The following IL1RAPL1 variants were observed in gnomAD, a reference collection of about 807,000 sequenced individuals.
The protein encoded by IL1RAPL1 is interleukin-1 receptor accessory protein-like 1.
A neutral mutation model predicts 48.4 loss-of-function variants in IL1RAPL1; 3 were observed. The observed-to-expected ratio is 0.06, with a 90% CI of 0.03 to 0.16. The LOEUF (loss-of-function observed/expected upper bound fraction) is 0.16, where lower values mean the gene tolerates loss of function less well. Ranked by LOEUF, IL1RAPL1 falls within the 10% of genes least tolerant of loss-of-function variation. IL1RAPL1 has a pLI of 1.00. For missense variants in IL1RAPL1, 349 were observed against 530.6 expected, an observed-to-expected ratio of 0.66 and a Z score of 3.36; for synonymous variants, 185 against 187.7, an observed-to-expected ratio of 0.99 and a Z score of 0.12.
At chrX:29,670,613 T>C (rs1463601479) in intron 6 of IL1RAPL1, among the ~76,000 whole-genome samples, 2 of 111,818 alleles carry the variant, frequency 1.8e-5, no homozygotes, top group African/African-American at 6.5e-5. Flanking sequence ...TGCTAGTAAG[T>C]AGGTGAATCA....
At chrX:29,516,839 TA>T (rs1050199522) in intron 5 of IL1RAPL1, among the ~76,000 whole-genome samples, 1 of 111,316 alleles carries the variant, frequency 9.0e-6, no homozygotes, top group Admixed American at 9.6e-5. Flanking sequence ...TTTTAAAGTA[TA>T]TTAGGTAATA....
chrX:29,348,776 C>A (rs1933184876), intron 3 of IL1RAPL1, among the ~76,000 whole-genome samples: 1 of 111,843 alleles, frequency 8.9e-6, no homozygotes, highest in African/African-American at 3.2e-5. Context: ...GTTGGACATT[C>A]CTGAGGGAGA....
At chrX:29,546,385 A>G (rs1319175715) in intron 5 of IL1RAPL1, among the ~76,000 whole-genome samples, 1 of 111,596 alleles carries the variant, frequency 9.0e-6, no homozygotes, top group Admixed American at 9.6e-5. Context: ...GTCTTTATCA[A>G]TAAATATTTC....
intron 2 of IL1RAPL1, among the ~76,000 whole-genome samples, chrX:29,093,706 T>G (rs768426230): frequency 8.9e-6 from 1 of 112,366 alleles, no homozygotes; most frequent in African/African-American, 3.2e-5. Flanking sequence ...TAGGTAGGCA[T>G]TATTTCTACT....
intron 2 of IL1RAPL1, among the ~76,000 whole-genome samples, chrX:28,855,656 C>G (rs2147299518): frequency 9.0e-6 from 1 of 110,881 alleles, no homozygotes; most frequent in East Asian, 2.8e-4. Context: ...GCAGTCATTT[C>G]TAGTTGTTTC....
chrX:29,154,494 C>T (rs1325527483), intron 2 of IL1RAPL1, among the ~76,000 whole-genome samples: 1 of 109,513 alleles, frequency 9.1e-6, no homozygotes, highest in East Asian at 2.9e-4. Flanking sequence ...GAGCCAAGAT[C>T]ATGCCATTGC....
At chrX:29,505,882 T>C (rs530274133) in intron 5 of IL1RAPL1, among the ~76,000 whole-genome samples, 1 of 111,831 alleles carries the variant, frequency 8.9e-6, no homozygotes, top group African/African-American at 3.3e-5. Flanking sequence ...ATTTGGTCTT[T>C]TTAAGTAATT....
At chrX:29,426,774 C>T (rs907401914) in intron 5 of IL1RAPL1, among the ~76,000 whole-genome samples, 7 of 110,820 alleles carry the variant, frequency 6.3e-5, no homozygotes, top group Non-Finnish European at 1.3e-4. Context: ...AGTGAATAGC[C>T]GTACTCAAAA....
intron 2 of IL1RAPL1, among the ~76,000 whole-genome samples, chrX:29,230,822 G>C (rs886932087): frequency 1.1e-4 from 12 of 111,354 alleles, no homozygotes; most frequent in African/African-American, 3.9e-4. Context: ...TGTGACTGAA[G>C]CTGGAATTTG....
At chrX:29,366,859 G>A (rs751743224) in intron 3 of IL1RAPL1, among the ~76,000 whole-genome samples, 6 of 111,268 alleles carry the variant, frequency 5.4e-5, no homozygotes, top group South Asian at 3.7e-4. Flanking sequence ...GAGCCACTGC[G>A]CCCGGCCTGA....
At chrX:28,993,040 G>A (rs1483517354) in intron 2 of IL1RAPL1, among the ~76,000 whole-genome samples, 5 of 112,137 alleles carry the variant, frequency 4.5e-5, no homozygotes, top group African/African-American at 1.6e-4. Context: ...GTATTTATCA[G>A]TATTCTAGGC....
chrX:29,418,125 A>ATTTTTTTTT (rs1186251989), intron 5 of IL1RAPL1, among the ~76,000 whole-genome samples: 1 of 26,704 alleles, frequency 3.7e-5, no homozygotes, highest in Non-Finnish European at 5.8e-5. Context: ...ATATATATAT[A>ATTTTTTTTT]TTTTTTTTTT....
chrX:29,569,407 C>T (rs764898672), intron 5 of IL1RAPL1, among the ~76,000 whole-genome samples: 3 of 110,877 alleles, frequency 2.7e-5, no homozygotes, highest in Non-Finnish European at 5.7e-5. Context: ...ATGATTCATT[C>T]AGGGTATATT....
chrX:29,287,796 A>C (rs1932306634), intron 3 of IL1RAPL1, among the ~76,000 whole-genome samples: 1 of 111,894 alleles, frequency 8.9e-6, no homozygotes, highest in South Asian at 3.7e-4. Flanking sequence ...GTATGTTCTA[A>C]ATATTAATTC....
At chrX:29,356,274 G>T (rs773597166) in intron 3 of IL1RAPL1, among the ~76,000 whole-genome samples, 1 of 80,021 alleles carries the variant, frequency 1.2e-5, no homozygotes, top group East Asian at 4.0e-4. Context: ...TTATACCTAC[G>T]ACACTAATCC....
At chrX:28,761,951 G>T (rs925308373) in intron 1 of IL1RAPL1, among the ~76,000 whole-genome samples, 4 of 111,414 alleles carry the variant, frequency 3.6e-5, no homozygotes, top group Non-Finnish European at 7.5e-5. Flanking sequence ...AACCTGTTTC[G>T]CTATCTATAA....
rs1372218670 is a variant in IL1RAPL1, at chrX:29,916,690, A to G, written c.779-774A>G. 1.8e-5 allele frequency among the ~76,000 whole-genome samples: 2 copies of G among 112,091 alleles called. 1 individual carries two copies. Among genetic ancestry groups the G allele is most frequent in the South Asian group, 7.4e-4 (2 of 2,704 alleles). ...TTGTAAAGTGGCATGAAATATCCAG[A>G]AATAAACTTTACTTTCTACGGGCAT... is the stretch of plus-strand genomic sequence containing the variant. On this transcript the variant is annotated intron_variant, in intron 6 of 10. Transcript: ENST00000378993.
chrX:29,138,610 A>AT lies in IL1RAPL1; in HGVS notation c.83-144326dup, dbSNP rs1205231687. ...TGGTGAAACCCCATCTCTACTAAAA[A>AT]TTAAAAAAAAAAAAAAATTAGCAGG... On this transcript the variant is annotated intron_variant, in intron 2 of 10. Coordinates refer to ENST00000378993, the MANE Select transcript of IL1RAPL1 (RefSeq NM_014271.4). 8.1e-5 allele frequency among the ~76,000 whole-genome samples: 5 copies of AT among 62,039 alleles called. No homozygotes were observed. The East Asian group carries it at 1.2e-3, about 14-fold the overall frequency. The allele number at this position is 62,039 out of a possible 115,157, so 53.9% of individuals were successfully genotyped here.
chrX:29,847,843 T>C (rs1196777284), intron 6 of IL1RAPL1, among the ~76,000 whole-genome samples: 1 of 112,071 alleles, frequency 8.9e-6, no homozygotes, highest in Admixed American at 9.5e-5. Context: ...TACTTCCCCG[T>C]GCTTTTTCAT....
Sources: allele counts gnomAD v4.1 joint callset (sites outside exome capture counted in the v4.1 genomes callset), GRCh38; gene constraint gnomAD v4.1.1; transcripts MANE v1.5; gene names NCBI Gene and HGNC (gene_info 2026-07-23, HGNC 2026-07-21).